SLC1A1: variants seen among roughly 807,000 people sequenced by gnomAD.
The protein encoded by SLC1A1 is solute carrier family 1 member 1, also known as excitatory amino acid transporter 3.
A neutral mutation model predicts 53.3 loss-of-function variants in SLC1A1; 43 were observed. The observed-to-expected ratio is 0.81, with a 90% CI of 0.63 to 1.04. The LOEUF (loss-of-function observed/expected upper bound fraction) is 1.04. SLC1A1 is among the 50% of genes least tolerant of loss of function. The pLI, the probability that SLC1A1 is intolerant of heterozygous loss-of-function variation, is 0.00. For missense variants in SLC1A1, 748 were observed against 664.9 expected (o/e 1.12, Z -1.37); for synonymous variants, 307 against 243.2 (o/e 1.26, Z -2.44).
chr9:4,561,591 C>A, intron 3 of SLC1A1, 50 bp downstream of exon 3: 2 of 1,195,960 alleles, frequency 1.7e-6, no homozygotes, highest in South Asian at 1.2e-5. Context: ...GTGATTTTTT[C>A]ATTCGAAAAG....
intron 1 of SLC1A1, among the ~76,000 whole-genome samples, chr9:4,492,377 G>A (rs1266586096): frequency 6.6e-6 from 1 of 151,810 alleles, no homozygotes; most frequent in African/African-American, 2.4e-5. Flanking sequence ...AGTTACTCGG[G>A]AGGCTGAGGC....
chr9:4,502,842 T>C (rs1214038047), intron 1 of SLC1A1, among the ~76,000 whole-genome samples: 3 of 151,804 alleles, frequency 2.0e-5, no homozygotes, highest in African/African-American at 7.3e-5. Context: ...TCTTGCTTCA[T>C]CCTTTCTCAG....
Position 4,564,343 on chromosome 9 carries a change from G to GAAT in SLC1A1, c.326-1_326insAAT (p.Gly109delinsGluCys). 1.2e-6 allele frequency: 2 copies of GAAT among 1,609,726 alleles called. No individual in the cohort carries two copies. Among genetic ancestry groups the GAAT allele is most frequent in the South Asian group, 2.2e-5 (2 of 90,606 alleles). ...TCTGTGGACGCTGTTCTTGGCCACAGGTATTGTGCTGGTGGTGAGCATCAA... is the reference window on the plus strand; with the variant it reads ...TCTGTGGACGCTGTTCTTGGCCACAGAATGTATTGTGCTGGTGGTGAGCATCAA... On this transcript the variant is annotated protein_altering_variant and splice_region_variant. Coordinates refer to ENST00000262352, the MANE Select transcript of SLC1A1 (RefSeq NM_004170.6).
intron 1 of SLC1A1, among the ~76,000 whole-genome samples, chr9:4,495,799 G>A (rs1820393825): frequency 6.6e-6 from 1 of 152,214 alleles, no homozygotes; most frequent in Non-Finnish European, 1.5e-5. Context: ...AAAGACAGCT[G>A]CTTGAGGTTA....
At chr9:4,584,047 G>T (rs1344793589) in intron 11 of SLC1A1, among the ~76,000 whole-genome samples, 1 of 152,166 alleles carries the variant, frequency 6.6e-6, no homozygotes, top group Middle Eastern at 3.2e-3. Context: ...TTTAGGTCTG[G>T]CTCTGTCCCC....
chr9:4,569,655 G>A (rs1395250685), intron 6 of SLC1A1, among the ~76,000 whole-genome samples: 5 of 152,270 alleles, frequency 3.3e-5, no homozygotes, highest in African/African-American at 1.2e-4. Flanking sequence ...AACCACCGTT[G>A]GCTCCCTGCT....
At chr9:4,551,021 T>G (rs1232123277) in intron 2 of SLC1A1, among the ~76,000 whole-genome samples, 2 of 152,208 alleles carry the variant, frequency 1.3e-5, no homozygotes, top group African/African-American at 4.8e-5. Context: ...ACACTCCAGA[T>G]GCAATCTAGT....
chr9:4,577,068 G>A (rs544501651), intron 10 of SLC1A1, among the ~76,000 whole-genome samples: 3 of 152,132 alleles, frequency 2.0e-5, no homozygotes, highest in Non-Finnish European at 4.4e-5. Context: ...CCTGCTAGAT[G>A]GGCATGCACA....
chr9:4,526,245 A>G (rs930144173), intron 1 of SLC1A1, among the ~76,000 whole-genome samples: 8 of 152,246 alleles, frequency 5.3e-5, no homozygotes, highest in South Asian at 2.1e-4. Context: ...AATTTATTAG[A>G]TAAGAGCAGA....
Position 4,585,912 on chromosome 9 carries a change from T to TA in SLC1A1, c.*362dup, listed in dbSNP as rs974993095. 5 of 202,224 alleles carry TA rather than the reference T, an allele frequency of 2.5e-5. No homozygotes were observed. Among genetic ancestry groups the TA allele is most frequent in the South Asian group, 9.3e-5 (1 of 10,792 alleles). 12.5% of individuals were successfully genotyped at this position (202,224 alleles called of 1,614,324 possible). On this transcript the variant is annotated 3_prime_UTR_variant, in exon 12 of 12. Coordinates refer to ENST00000262352, the MANE Select transcript of SLC1A1 (RefSeq NM_004170.6). ...TGCATAGACAAGTGTTTTGGGTTTT[T>TA]AAAAAAAATATTCTGTCATTGGTTA... is the stretch of plus-strand genomic sequence containing the variant.
intron 1 of SLC1A1, among the ~76,000 whole-genome samples, chr9:4,502,508 A>G (rs1820671258): frequency 6.6e-6 from 1 of 151,370 alleles, no homozygotes; most frequent in Admixed American, 6.6e-5. Context: ...CCTAATATCA[A>G]TATTTATTGA....
At chr9:4,533,246 C>A (rs926076866) in intron 1 of SLC1A1, among the ~76,000 whole-genome samples, 2 of 152,100 alleles carry the variant, frequency 1.3e-5, no homozygotes, top group South Asian at 4.2e-4. Context: ...GCTAAATGCT[C>A]CAATTAAAAG....
At chr9:4,493,031 G>A (rs554662090) in intron 1 of SLC1A1, among the ~76,000 whole-genome samples, 1 of 152,166 alleles carries the variant, frequency 6.6e-6, no homozygotes, top group African/African-American at 2.4e-5. Flanking sequence ...ATAAGAAGAA[G>A]TACATGCTCA....
chr9:4,538,958 T>G (rs1816786827), intron 1 of SLC1A1, among the ~76,000 whole-genome samples: 1 of 152,238 alleles, frequency 6.6e-6, no homozygotes, highest in Non-Finnish European at 1.5e-5. Context: ...AGACACATAA[T>G]TAATTTGCTT....
At position 4,540,738 on chromosome 9, in the gene SLC1A1, C is replaced by A. The variant is rs149266391; in HGVS notation, c.92-3829C>A. The stretch of plus-strand genomic sequence containing the variant: ...CGGCCAGCTAGATCCAGCACCCGTG[C>A]ACTGCAGTTCCCACCTGCAACGGTG... On this transcript the variant is annotated intron_variant, in intron 1 of 11. Transcript: ENST00000262352. 2.2e-3 allele frequency among the ~76,000 whole-genome samples: 332 copies of A among 152,336 alleles called. 1 individual carries two copies. Among genetic ancestry groups the A allele is most frequent in the African/African-American group, 7.7e-3 (319 of 41,570 alleles).
At chr9:4,529,605 A>G (rs897283567) in intron 1 of SLC1A1, among the ~76,000 whole-genome samples, 3 of 152,184 alleles carry the variant, frequency 2.0e-5, no homozygotes, top group African/African-American at 7.2e-5. Context: ...ACAAATGAAT[A>G]TGCAGATGAA....
At chr9:4,546,746 C>G (rs1031234598) in intron 2 of SLC1A1, among the ~76,000 whole-genome samples, 3 of 152,234 alleles carry the variant, frequency 2.0e-5, no homozygotes, top group African/African-American at 4.8e-5. Context: ...ATCCACCCAC[C>G]TCAACCTCCC....
chr9:4,495,821 T>G (rs924105034), intron 1 of SLC1A1, among the ~76,000 whole-genome samples: 1 of 152,092 alleles, frequency 6.6e-6, no homozygotes, highest in Non-Finnish European at 1.5e-5. Flanking sequence ...CCTGCAGGGC[T>G]TGGCTGGATT....
chr9:4,494,523 CTCTG>C (rs1241973644), intron 1 of SLC1A1, among the ~76,000 whole-genome samples: 3 of 152,062 alleles, frequency 2.0e-5, no homozygotes, highest in African/African-American at 4.8e-5. Context: ...TGATGACCTG[CTCTG>C]TCTGAGCTAA....
Sources: allele counts gnomAD v4.1 joint callset (sites outside exome capture counted in the v4.1 genomes callset), GRCh38; gene constraint gnomAD v4.1.1; transcripts MANE v1.5; gene names NCBI Gene and HGNC (gene_info 2026-07-23, HGNC 2026-07-21).